Variants in INPP5A observed in about 807,000 individuals in gnomAD.
INPP5A encodes the protein inositol polyphosphate-5-phosphatase A.
INPP5A carries 14 observed loss-of-function variants against 65.2 expected under a neutral mutation model. That is an observed-to-expected ratio of 0.21 (90% CI 0.14 to 0.34). The LOEUF (loss-of-function observed/expected upper bound fraction) is 0.34. Ranked by LOEUF, INPP5A falls within the 10% of genes least tolerant of loss-of-function variation. The pLI, the probability that INPP5A is intolerant of heterozygous loss-of-function variation, is 1.00. For synonymous variants in INPP5A, 207 were observed against 208.3 expected (o/e 0.99, Z 0.05); for missense variants, 431 against 545.6 (o/e 0.79, Z 2.09).
intron 12 of INPP5A, among the ~76,000 whole-genome samples, chr10:132,766,062 G>A (rs559877229): frequency 1.2e-4 from 18 of 152,296 alleles, no homozygotes; most frequent in East Asian, 3.9e-4. Flanking sequence ...GAACGTATGC[G>A]TCTGTGTGTG....
At chr10:132,563,269 G>T (rs936326630) in intron 1 of INPP5A, among the ~76,000 whole-genome samples, 11 of 152,202 alleles carry the variant, frequency 7.2e-5, no homozygotes, top group Admixed American at 7.2e-4. Context: ...GGTGGCATTG[G>T]CATTGCTGAG....
At chr10:132,773,552 T>C (rs2134686985) in intron 12 of INPP5A, among the ~76,000 whole-genome samples, 1 of 152,348 alleles carries the variant, frequency 6.6e-6, no homozygotes, top group Middle Eastern at 3.4e-3. Context: ...AGTGTAATAA[T>C]TATCTAGCAA....
intron 9 of INPP5A, among the ~76,000 whole-genome samples, chr10:132,739,365 G>A (rs945088453): frequency 6.6e-6 from 1 of 152,232 alleles, no homozygotes; most frequent in Non-Finnish European, 1.5e-5. Context: ...CCAAGCTCAG[G>A]CCCAGCCCCT....
intron 13 of INPP5A, among the ~76,000 whole-genome samples, chr10:132,779,731 ACGGGCGC>A (rs1847126426): frequency 6.6e-6 from 1 of 152,112 alleles, no homozygotes; most frequent in Non-Finnish European, 1.5e-5. Flanking sequence ...GGACAAGCAG[ACGGGCGC>A]CGGGCGCGCT....
At chr10:132,708,444 C>T (rs1845575905) in intron 7 of INPP5A, 79 bp downstream of exon 7, 4 of 1,371,426 alleles carry the variant, frequency 2.9e-6, no homozygotes, top group Non-Finnish European at 4.2e-6. Context: ...ATGTTCCACA[C>T]ACCTCATTGG....
At chr10:132,613,567 A>T (rs980554793) in intron 2 of INPP5A, among the ~76,000 whole-genome samples, 1 of 152,254 alleles carries the variant, frequency 6.6e-6, no homozygotes, top group African/African-American at 2.4e-5. Flanking sequence ...ACCTCTTCAG[A>T]AGGAAGAAAT....
intron 1 of INPP5A, among the ~76,000 whole-genome samples, chr10:132,591,003 A>G (rs1197472090): frequency 6.6e-6 from 1 of 152,152 alleles, no homozygotes; most frequent in Non-Finnish European, 1.5e-5. Flanking sequence ...TGTCACAGGG[A>G]AGGTGGCATC....
chr10:132,595,116 G>A (rs1047884264), intron 1 of INPP5A, among the ~76,000 whole-genome samples: 1 of 152,154 alleles, frequency 6.6e-6, no homozygotes, highest in African/African-American at 2.4e-5. Context: ...GAATACCATT[G>A]GGAGTGCTGA....
chr10:132,749,472 A>G, intron 9 of INPP5A, 45 bp from the exon 10 acceptor site: 1 of 1,554,594 alleles, frequency 6.4e-7, no homozygotes, highest in East Asian at 2.2e-5. Flanking sequence ...TGCCATGGGC[A>G]GGTGGGCCCC....
rs1031744493 is a variant in INPP5A, at chr10:132,644,227, C to T, written c.118-1641C>T. 1.3e-5 allele frequency among the ~76,000 whole-genome samples: 2 copies of T among 152,342 alleles called. No homozygotes were observed. The highest frequency in any genetic ancestry group is 2.4e-5 in the African/African-American group (1 of 41,576). Reference sequence around the variant, plus strand: ...TGAGTGCCCGGGGAGCCCACGCCCACGCCCAGGAGGGAGGGGCCCACTCGG... The same window carrying T: ...TGAGTGCCCGGGGAGCCCACGCCCATGCCCAGGAGGGAGGGGCCCACTCGG... On this transcript the variant is annotated intron_variant, in intron 2 of 15. Coordinates refer to ENST00000368594, the MANE Select transcript of INPP5A (RefSeq NM_005539.5). The surrounding 1 kb of genome is among the most constrained non-coding windows in gnomAD (Gnocchi z 6.5).
rs181139340 is a variant in INPP5A, at chr10:132,741,342, G to A, written c.733-8175G>A. The stretch of plus-strand genomic sequence containing the variant: ...CCGCAGCCTAACAGTGGGCAGCTCC[G>A]TGTCTGTGGGTCACAAGTGGTTGGT... On this transcript the variant is annotated intron_variant, in intron 9 of 15. Coordinates refer to ENST00000368594, the MANE Select transcript of INPP5A (RefSeq NM_005539.5). The surrounding 1 kb of genome is among the most constrained non-coding windows in gnomAD (Gnocchi z 4.4). Among the ~76,000 whole-genome samples, 38 of 152,350 alleles carry A rather than the reference G, an allele frequency of 2.5e-4. No individual in the cohort carries two copies. In the East Asian group the frequency reaches 4.0e-3, roughly 16 times the overall value.
chr10:132,572,495 G>A (rs546122020), intron 1 of INPP5A, among the ~76,000 whole-genome samples: 78 of 152,140 alleles, frequency 5.1e-4, no homozygotes, highest in African/African-American at 1.9e-3. Context: ...ACGCCCGCCC[G>A]GGGCTGCTTT....
chr10:132,552,739 GGGAGGATT>G (rs1358390873), intron 1 of INPP5A, among the ~76,000 whole-genome samples: 1 of 146,300 alleles, frequency 6.8e-6, no homozygotes, highest in Non-Finnish European at 1.5e-5. Context: ...AGGATAGGGA[GGGAGGATT>G]GGTGAACGCC....
intron 2 of INPP5A, among the ~76,000 whole-genome samples, chr10:132,632,396 G>A (rs2072287727): frequency 6.6e-6 from 1 of 152,224 alleles, no homozygotes; most frequent in African/African-American, 2.4e-5. Context: ...GAGTAGCTGT[G>A]TCTGGCTGGT....
chr10:132,607,316 T>TG (rs1445756754), intron 1 of INPP5A, among the ~76,000 whole-genome samples: 1 of 152,194 alleles, frequency 6.6e-6, no homozygotes, highest in African/African-American at 2.4e-5. Flanking sequence ...TGTGTGCACG[T>TG]GTGTGCACGC....
intron 12 of INPP5A, among the ~76,000 whole-genome samples, chr10:132,775,161 G>T (rs1375383690): frequency 4.2e-4 from 12 of 28,606 alleles, no homozygotes; most frequent in African/African-American, 1.0e-3. Flanking sequence ...GGAGGAGAGA[G>T]GGGCAGAGAG....
At chr10:132,557,268 C>T (rs1451287902) in intron 1 of INPP5A, among the ~76,000 whole-genome samples, 3 of 152,232 alleles carry the variant, frequency 2.0e-5, no homozygotes, top group Non-Finnish European at 4.4e-5. Context: ...ACTGTGACTC[C>T]CATGGAGCCT....
At chr10:132,595,437 A>G (rs1191449084) in intron 1 of INPP5A, among the ~76,000 whole-genome samples, 1 of 152,236 alleles carries the variant, frequency 6.6e-6, no homozygotes, top group Non-Finnish European at 1.5e-5. Context: ...ACCACTGGTA[A>G]CTGTGTAGTT....
chr10:132,663,550 T>G lies in INPP5A; in HGVS notation c.306+13045T>G, dbSNP rs2072763337. ...AGACATTTTTAAGGTTAAGTAAGGC[T>G]TTGTTGATTTTGAATGTAACATTAT... On this transcript the variant is annotated intron_variant, in intron 4 of 15. Coordinates refer to ENST00000368594, the MANE Select transcript of INPP5A (RefSeq NM_005539.5). This position sits in a 1 kb window ranked among gnomAD's most constrained non-coding sequence, Gnocchi z 4.5. Among the ~76,000 whole-genome samples, 1 of 152,182 alleles carries G rather than the reference T, an allele frequency of 6.6e-6. No homozygotes were observed. Among genetic ancestry groups the G allele is most frequent in the Admixed American group, 6.5e-5 (1 of 15,282 alleles).
Sources: gnomAD v4.1 joint callset for allele counts (sites outside exome capture counted in the v4.1 genomes callset) on GRCh38, gnomAD v4.1.1 for gene constraint, Gnocchi (gnomAD v3.1) non-coding constraint, MANE v1.5 for transcripts, NCBI Gene and HGNC (gene_info 2026-07-23, HGNC 2026-07-21) for gene names.